Variants in TAMM41 observed in about 807,000 individuals in gnomAD.
TAMM41 encodes phosphatidate cytidylyltransferase, mitochondrial.
A neutral mutation model predicts 44.1 loss-of-function variants in TAMM41; 36 were observed. That is an observed-to-expected ratio of 0.82 (90% CI 0.63 to 1.08). The LOEUF (loss-of-function observed/expected upper bound fraction) is 1.08. TAMM41 is among the 50% of genes least tolerant of loss of function. TAMM41 has a pLI of 0.00. For missense variants in TAMM41, 417 were observed against 404.3 expected, an observed-to-expected ratio of 1.03 and a Z score of -0.27; for synonymous variants, 164 against 153.1, an observed-to-expected ratio of 1.07 and a Z score of -0.53.
chr3:11,747,419 A>G, the TAMM41 span, among the ~76,000 whole-genome samples: 57 of 152,270 alleles, frequency 3.7e-4, 1 homozygote, highest in Middle Eastern at 0.01. Context: ...TGGTGGTTAC[A>G]TAGGCATATG....
chr3:11,735,266 G>A, the TAMM41 span, among the ~76,000 whole-genome samples: 1 of 152,156 alleles, frequency 6.6e-6, no homozygotes, highest in Non-Finnish European at 1.5e-5. Context: ...GCTGCAGCAG[G>A]AGGATCACTT....
At chr3:11,724,060 G>C in the TAMM41 span, among the ~76,000 whole-genome samples, 4 of 151,194 alleles carry the variant, frequency 2.6e-5, no homozygotes, top group Non-Finnish European at 5.9e-5. Flanking sequence ...CATAGCAAAA[G>C]ATTTTATTTT....
At chr3:11,801,027 G>C (rs2077736406) in intron 7 of TAMM41, among the ~76,000 whole-genome samples, 1 of 151,264 alleles carries the variant, frequency 6.6e-6, no homozygotes. Flanking sequence ...AGGAGGTCAA[G>C]GCTACAGTAA....
the TAMM41 span, among the ~76,000 whole-genome samples, chr3:11,752,631 T>TTTTTTTTTTG: frequency 1.1e-5 from 1 of 94,540 alleles, no homozygotes; most frequent in Admixed American, 1.1e-4. Flanking sequence ...AAAGCTTTTT[T>TTTTTTTTTTG]TTTTTTTTTT....
chr3:11,744,027 T>A, the TAMM41 span, among the ~76,000 whole-genome samples: 1 of 152,224 alleles, frequency 6.6e-6, no homozygotes, highest in Admixed American at 6.5e-5. Context: ...CACTCTGCAC[T>A]ACAGTCCCCT....
chr3:11,723,856 C>A, the TAMM41 span, among the ~76,000 whole-genome samples: 1 of 151,842 alleles, frequency 6.6e-6, no homozygotes, highest in African/African-American at 2.4e-5. Context: ...TTTATAAATG[C>A]GCCAGAAGTG....
At chr3:11,753,555 T>A in the TAMM41 span, among the ~76,000 whole-genome samples, 1 of 149,162 alleles carries the variant, frequency 6.7e-6, no homozygotes, top group Non-Finnish European at 1.5e-5. Flanking sequence ...AAACCCTATC[T>A]CTACTAAAAA....
At chr3:11,784,897 G>A in the TAMM41 span, among the ~76,000 whole-genome samples, 1 of 150,984 alleles carries the variant, frequency 6.6e-6, no homozygotes, top group African/African-American at 2.4e-5. Context: ...CCGCCTCCCG[G>A]GTTCAAGTGA....
chr3:11,764,655 G>A, the TAMM41 span, among the ~76,000 whole-genome samples: 1 of 151,656 alleles, frequency 6.6e-6, no homozygotes. Flanking sequence ...ACCACGCCTG[G>A]CTAATTTTTT....
chr3:11,788,116 C>G (rs2077427580), downstream of TAMM41, among the ~76,000 whole-genome samples: 1 of 152,208 alleles, frequency 6.6e-6, no homozygotes, highest in Admixed American at 6.5e-5. Flanking sequence ...CAGGCAGTCA[C>G]TTCCTCTCCA....
rs755966053 is a variant in TAMM41, at chr3:11,844,170, G to A, written c.177C>T (p.Val59=). 17 of 1,614,162 alleles carry A rather than the reference G, an allele frequency of 1.1e-5. No individual in the cohort carries two copies. Among genetic ancestry groups the A allele is most frequent in the South Asian group, 6.6e-5 (6 of 91,074 alleles). The change falls in exon 2 of 8, where the codon GTC becomes GTT. Residue 59 remains valine (V), a synonymous_variant. Transcript: ENST00000455809. ...LDFVFTVDDP[V]AWHSKNLKKN... is the part of the protein sequence containing the mutation. ...TCTTCAGGTTCTTTGAATGCCATGC[G>A]ACAGGGTCATCTACTGTGAACACAA... is the stretch of plus-strand genomic sequence containing the variant.
the TAMM41 span, chr3:11,771,232 G>T: frequency 1.3e-5 from 2 of 152,300 alleles, no homozygotes; most frequent in Admixed American, 1.3e-4. Flanking sequence ...AGGGATGGGG[G>T]ACTGGCTCAC....
chr3:11,756,024 C>G, the TAMM41 span, among the ~76,000 whole-genome samples: 1 of 152,264 alleles, frequency 6.6e-6, no homozygotes, highest in Non-Finnish European at 1.5e-5. Context: ...AGAATTCCAG[C>G]TTTCCTCTGC....
intron 7 of TAMM41, chr3:11,807,159 G>C (rs2077934639): frequency 7.6e-7 from 1 of 1,318,660 alleles, no homozygotes; most frequent in Non-Finnish European, 9.6e-7. Flanking sequence ...CCCCTAGAGG[G>C]GACAGCGAAG....
chr3:11,755,013 C>T, the TAMM41 span, among the ~76,000 whole-genome samples: 85,487 of 151,740 alleles, frequency 0.56, 24,400 homozygotes, highest in African/African-American at 0.65. Context: ...GATCTCTCTT[C>T]TCCTCACTGT....
At chr3:11,782,539 CCT>C in the TAMM41 span, among the ~76,000 whole-genome samples, 1 of 149,002 alleles carries the variant, frequency 6.7e-6, no homozygotes, top group Admixed American at 6.7e-5. Flanking sequence ...AGAATGAGAC[CCT>C]GTCTCAAAAA....
chr3:11,807,987 T>C (rs930660525), intron 6 of TAMM41, 92 bp from the exon 7 acceptor site: 68 of 1,447,740 alleles, frequency 4.7e-5, no homozygotes, highest in Non-Finnish European at 5.1e-5. Flanking sequence ...AAATATTCTT[T>C]CTAGTCAGCC....
chr3:11,845,061 G>A (rs1198737422), intron 1 of TAMM41: 1 of 450,112 alleles, frequency 2.2e-6, no homozygotes. Context: ...GTGGATATGG[G>A]AGCCAGCATG....
At chr3:11,760,962 C>T in the TAMM41 span, among the ~76,000 whole-genome samples, 1 of 151,772 alleles carries the variant, frequency 6.6e-6, no homozygotes, top group Admixed American at 6.6e-5. Context: ...GTCAGGAGAT[C>T]GAGACCATCC....
Sources: gnomAD v4.1 joint callset for allele counts (sites outside exome capture counted in the v4.1 genomes callset) on GRCh38, gnomAD v4.1.1 for gene constraint, MANE v1.5 for transcripts, NCBI Gene and HGNC (gene_info 2026-07-23, HGNC 2026-07-21) for gene names.